ENTREP2: variants seen among roughly 807,000 people sequenced by gnomAD.
The protein encoded by ENTREP2 is protein ENTREP2.
the ENTREP2 span, among the ~76,000 whole-genome samples, chr15:29,514,495 T>C: frequency 6.6e-6 from 1 of 152,222 alleles, no homozygotes; most frequent in Admixed American, 6.5e-5. Context: ...TTTTGGCTAT[T>C]GTAAACAAGG....
chr15:29,488,930 T>C, the ENTREP2 span, among the ~76,000 whole-genome samples: 1,670 of 152,252 alleles, frequency 0.011, 31 homozygotes, highest in African/African-American at 0.039. Context: ...CACAGGGACA[T>C]AATTCAGACT....
chr15:29,275,274 T>A, the ENTREP2 span, among the ~76,000 whole-genome samples: 2 of 152,246 alleles, frequency 1.3e-5, no homozygotes, highest in Non-Finnish European at 2.9e-5. Flanking sequence ...ATCAAGGTAC[T>A]ATTAAAGTTA....
chr15:29,329,501 T>C, the ENTREP2 span, among the ~76,000 whole-genome samples: 53 of 152,332 alleles, frequency 3.5e-4, no homozygotes, highest in Non-Finnish European at 6.6e-4. Flanking sequence ...TTCCTTGTTT[T>C]GTCAGCTGAG....
chr15:29,464,436 A>G, the ENTREP2 span, among the ~76,000 whole-genome samples: 1 of 152,126 alleles, frequency 6.6e-6, no homozygotes, highest in Non-Finnish European at 1.5e-5. Flanking sequence ...TAATTTTAAA[A>G]CATGATGGAG....
At chr15:29,195,985 C>CT in the ENTREP2 span, among the ~76,000 whole-genome samples, 12 of 151,548 alleles carry the variant, frequency 7.9e-5, no homozygotes, top group African/African-American at 1.7e-4. Flanking sequence ...TTCCAAATCA[C>CT]TTTTTTTTTA....
At chr15:29,218,630 G>A in the ENTREP2 span, among the ~76,000 whole-genome samples, 1 of 152,100 alleles carries the variant, frequency 6.6e-6, no homozygotes, top group Non-Finnish European at 1.5e-5. Context: ...ACAGACCAAT[G>A]GAATAGAATA....
At chr15:29,443,827 G>A in the ENTREP2 span, among the ~76,000 whole-genome samples, 7 of 151,972 alleles carry the variant, frequency 4.6e-5, no homozygotes, top group African/African-American at 7.2e-5. Flanking sequence ...AGAAGGGGCC[G>A]GGCGCGGTGG....
the ENTREP2 span, among the ~76,000 whole-genome samples, chr15:29,305,367 T>C: frequency 7.9e-5 from 12 of 152,048 alleles, no homozygotes; most frequent in Non-Finnish European, 1.3e-4. Context: ...GACTTACAGG[T>C]TTTTAAAAGT....
At chr15:29,357,758 G>A in the ENTREP2 span, among the ~76,000 whole-genome samples, 166 of 152,028 alleles carry the variant, frequency 1.1e-3, 1 homozygote, top group South Asian at 6.0e-3. Flanking sequence ...AGAATGGCAT[G>A]AACCCGGGAG....
chr15:29,330,435 C>A, the ENTREP2 span, among the ~76,000 whole-genome samples: 3 of 151,916 alleles, frequency 2.0e-5, no homozygotes, highest in South Asian at 2.1e-4. Flanking sequence ...GGCGACAGAG[C>A]GAGACTCTGT....
At chr15:29,671,951 A>G in the ENTREP2 span, among the ~76,000 whole-genome samples, 1 of 152,218 alleles carries the variant, frequency 6.6e-6, no homozygotes, top group African/African-American at 2.4e-5. Flanking sequence ...CATGGCTTCC[A>G]GGGGCTGGAA....
At chr15:29,636,465 CA>C in the ENTREP2 span, among the ~76,000 whole-genome samples, 1 of 152,188 alleles carries the variant, frequency 6.6e-6, no homozygotes, top group African/African-American at 2.4e-5. Flanking sequence ...GAGCCCAGTG[CA>C]GCTGAGCCCA....
chr15:29,129,768 T>C, the ENTREP2 span, among the ~76,000 whole-genome samples: 98 of 152,334 alleles, frequency 6.4e-4, no homozygotes, highest in African/African-American at 2.0e-3. Context: ...GCGTGGGCCA[T>C]GGTTTCCACC....
the ENTREP2 span, among the ~76,000 whole-genome samples, chr15:29,662,732 T>C: frequency 5.3e-5 from 8 of 152,112 alleles, no homozygotes; most frequent in Non-Finnish European, 1.5e-5. Context: ...TTTTTTTTCT[T>C]TTTTTGAGAT....
At chr15:29,189,109 T>C in the ENTREP2 span, among the ~76,000 whole-genome samples, 22 of 152,204 alleles carry the variant, frequency 1.4e-4, no homozygotes, top group Non-Finnish European at 2.9e-4. Flanking sequence ...ACTCTAGCAA[T>C]TCAATCAAAC....
At chr15:29,549,394 C>T in the ENTREP2 span, among the ~76,000 whole-genome samples, 8 of 152,080 alleles carry the variant, frequency 5.3e-5, no homozygotes, top group African/African-American at 1.9e-4. Flanking sequence ...CTTAGCCTCC[C>T]GAGTAGCTGG....
the ENTREP2 span, among the ~76,000 whole-genome samples, chr15:29,296,092 T>C: frequency 5.4e-4 from 83 of 152,340 alleles, no homozygotes; most frequent in African/African-American, 1.8e-3. Flanking sequence ...ACTGTAACTC[T>C]TCCCTGGGTC....
the ENTREP2 span, among the ~76,000 whole-genome samples, chr15:29,498,669 T>A: frequency 6.6e-6 from 1 of 152,174 alleles, no homozygotes; most frequent in South Asian, 2.1e-4. Context: ...ATCTGTTAGG[T>A]CTACTTGGTA....
At chr15:29,490,041 G>A in the ENTREP2 span, among the ~76,000 whole-genome samples, 3 of 152,184 alleles carry the variant, frequency 2.0e-5, no homozygotes, top group Non-Finnish European at 4.4e-5. Flanking sequence ...AATGGAAAAT[G>A]AATTATATAG....
Sources: gnomAD v4.1 joint callset for allele counts (sites outside exome capture counted in the v4.1 genomes callset) on GRCh38, gnomAD v4.1.1 for gene constraint, MANE v1.5 for transcripts, NCBI Gene and HGNC (gene_info 2026-07-23, HGNC 2026-07-21) for gene names.